Variants in NRDC observed in about 807,000 individuals in gnomAD.
The protein encoded by NRDC is nardilysin.
Under a neutral mutation model 147.1 loss-of-function variants are expected in NRDC, and 54 were observed. That is an observed-to-expected ratio of 0.37 (90% CI 0.29 to 0.46). The LOEUF is 0.46. Among genes scored for constraint, NRDC ranks in the 20% least tolerant of loss-of-function variants. The pLI is 1.00. For synonymous variants in NRDC, 440 were observed against 482.1 expected, an observed-to-expected ratio of 0.91 and a Z score of 1.14; for missense variants, 1,082 against 1,370.6, an observed-to-expected ratio of 0.79 and a Z score of 3.33.
chr1:51,793,712 C>T lies in NRDC; in HGVS notation c.2775+760G>A, dbSNP rs562157060. 2.0e-5 allele frequency among the ~76,000 whole-genome samples: 3 copies of T among 152,304 alleles called. No homozygotes were observed. The South Asian group carries it at 6.2e-4, about 32-fold the overall frequency. ...AGTCAGGGATCTTCACAAGACCTGA[C>T]AAAGAAGTGAATTCCTGATGCAGGG... On this transcript the variant is annotated intron_variant, in intron 24 of 30. Transcript: ENST00000352171.
At chr1:51,852,425 G>T (rs1681999411) in intron 1 of NRDC, among the ~76,000 whole-genome samples, 1 of 103,440 alleles carries the variant, frequency 9.7e-6, no homozygotes, top group Non-Finnish European at 2.1e-5. Context: ...GGCCATATTT[G>T]TGTATGTATA....
chr1:51,868,698 T>C (rs1328011851), intron 1 of NRDC, among the ~76,000 whole-genome samples: 2 of 151,918 alleles, frequency 1.3e-5, no homozygotes, highest in Non-Finnish European at 2.9e-5. Context: ...CTGGGTAGCA[T>C]GAGGAAACCC....
At chr1:51,860,578 TTCTA>T (rs1180149831) in intron 1 of NRDC, among the ~76,000 whole-genome samples, 1 of 152,228 alleles carries the variant, frequency 6.6e-6, no homozygotes, top group South Asian at 2.1e-4. Context: ...GAGAGTTTAC[TTCTA>T]TCTACTTTTT....
At chr1:51,851,733 G>C (rs1192611421) in intron 1 of NRDC, among the ~76,000 whole-genome samples, 1 of 151,932 alleles carries the variant, frequency 6.6e-6, no homozygotes, top group Admixed American at 6.6e-5. Context: ...TTTTACAAAG[G>C]ACACTTAATA....
At chr1:51,869,711 C>A (rs72901954) in intron 1 of NRDC, among the ~76,000 whole-genome samples, 5,065 of 152,212 alleles carry the variant, frequency 0.033, 204 homozygotes, top group South Asian at 0.095. Flanking sequence ...GCTACAAAGC[C>A]AGCTTTATTC....
At chr1:51,877,347 T>C (rs1016914947) in intron 1 of NRDC, among the ~76,000 whole-genome samples, 6 of 152,066 alleles carry the variant, frequency 3.9e-5, no homozygotes, top group African/African-American at 1.4e-4. Context: ...TATTGGACAA[T>C]ATGAACTCTA....
Position 51,840,510 on chromosome 1 carries a change from T to G in NRDC, c.346A>C (p.Ile116Leu). The change falls in exon 2 of 31, where the codon ATC becomes CTC. Residue 116 changes from isoleucine (I) to leucine (L), a missense_variant. Physicochemically the swap from Ile to Leu is conservative, Grantham distance 5. Transcript: ENST00000352171. ...GCCTGCAAGCCATTCTGTAATTTGA[T>G]GTATCTGGGGGGAGAAAAAAAAAAT... is the stretch of plus-strand genomic sequence containing the variant. The part of the protein sequence containing the change: ...SPSDPKQYRY[I>L]KLQNGLQALL... 1 of 1,598,022 alleles carries G rather than the reference T, an allele frequency of 6.3e-7. No homozygotes were observed. Among genetic ancestry groups the G allele is most frequent in the Non-Finnish European group, 8.5e-7 (1 of 1,173,696 alleles).
chr1:51,790,372 G>A (rs1203577485), intron 29 of NRDC, among the ~76,000 whole-genome samples, 161 bp downstream of exon 29: 1 of 152,242 alleles, frequency 6.6e-6, no homozygotes, highest in East Asian at 1.9e-4. Flanking sequence ...TAAGGTGCTA[G>A]AGAGGCCAGT....
At chr1:51,855,904 T>C (rs1379910598) in intron 1 of NRDC, among the ~76,000 whole-genome samples, 1 of 151,896 alleles carries the variant, frequency 6.6e-6, no homozygotes, top group African/African-American at 2.4e-5. Context: ...TAATAATATA[T>C]ACTACACACA....
chr1:51,859,363 ATACT>A (rs1392403287), intron 1 of NRDC, among the ~76,000 whole-genome samples: 2 of 152,262 alleles, frequency 1.3e-5, no homozygotes, highest in Non-Finnish European at 2.9e-5. Context: ...ATATAATTTG[ATACT>A]TGCTTGCTTG....
At position 51,814,741 on chromosome 1, in the gene NRDC, G is replaced by A. The variant is rs1244887022; in HGVS notation, c.1512C>T (p.Phe504=). 6 of 1,611,950 alleles carry A rather than the reference G, an allele frequency of 3.7e-6. No individual in the cohort carries two copies. In the South Asian group the frequency reaches 6.6e-5, roughly 18 times the overall value. ...CATCAGTCAATGTAATAGAAATGCT[G>A]AACACTGAATAAGTAGAATTTTGCT... ...GFEQNSTYSV[F]SISITLTDEG... is the part of the protein sequence containing the mutation. The change falls in exon 12 of 31, where the codon TTC becomes TTT. Residue 504 remains phenylalanine (F), a synonymous_variant. Transcript: ENST00000352171.
chr1:51,796,701 C>T (rs1490246729), intron 22 of NRDC, among the ~76,000 whole-genome samples: 1 of 151,772 alleles, frequency 6.6e-6, no homozygotes, highest in East Asian at 2.0e-4. Context: ...AATTCTCCTG[C>T]CTCAGCCTCC....
chr1:51,851,905 C>A (rs981968167), intron 1 of NRDC, among the ~76,000 whole-genome samples: 1 of 152,158 alleles, frequency 6.6e-6, no homozygotes, highest in African/African-American at 2.4e-5. Context: ...GAATTCCCAG[C>A]CAAGGAACAC....
rs143760456 is a variant in NRDC at position 51,796,069 on chromosome 1, T to C, written c.2605-1215A>G. On this transcript the variant is annotated intron_variant, in intron 22 of 30. Coordinates refer to ENST00000352171, the MANE Select transcript of NRDC (RefSeq NM_001101662.2). ...TAATTTTTTTTAATTTTTTTGGAAG[T>C]GGTGTCTCACTATGTTGCCCAGGCT... Among the ~76,000 whole-genome samples, 957 of 152,100 alleles carry C rather than the reference T, an allele frequency of 6.3e-3. 14 individuals carry two copies. Among genetic ancestry groups the C allele is most frequent in the African/African-American group, 0.022 (912 of 41,494 alleles).
intron 1 of NRDC, among the ~76,000 whole-genome samples, chr1:51,852,594 A>ATATT (rs1557932048): frequency 5.1e-4 from 12 of 23,466 alleles, no homozygotes; most frequent in African/African-American, 1.2e-3. Flanking sequence ...ATAGTTTTAT[A>ATATT]TATAGTTTTT....
chr1:51,841,303 A>G (rs1038970592), intron 1 of NRDC, among the ~76,000 whole-genome samples: 11 of 151,758 alleles, frequency 7.2e-5, no homozygotes, highest in Non-Finnish European at 1.6e-4. Flanking sequence ...CATTTACACT[A>G]ATTTTTTTTT....
intron 1 of NRDC, among the ~76,000 whole-genome samples, chr1:51,851,501 G>C (rs1681945184): frequency 6.6e-6 from 1 of 151,568 alleles, no homozygotes; most frequent in African/African-American, 2.4e-5. Context: ...TAGCCCATTA[G>C]GGTGTATTCT....
At chr1:51,873,292 C>T (rs1358039727) in intron 1 of NRDC, among the ~76,000 whole-genome samples, 1 of 152,122 alleles carries the variant, frequency 6.6e-6, no homozygotes, top group Non-Finnish European at 1.5e-5. Context: ...CAGAAGTGAG[C>T]CACTTCACTA....
intron 1 of NRDC, among the ~76,000 whole-genome samples, chr1:51,873,057 A>G (rs1302460753): frequency 6.6e-6 from 1 of 152,196 alleles, no homozygotes; most frequent in Non-Finnish European, 1.5e-5. Flanking sequence ...TGTGTGTGAA[A>G]TGAAACACAC....
Sources: gnomAD v4.1 joint callset for allele counts (sites outside exome capture counted in the v4.1 genomes callset) on GRCh38, gnomAD v4.1.1 for gene constraint, MANE v1.5 for transcripts, NCBI Gene and HGNC (gene_info 2026-07-23, HGNC 2026-07-21) for gene names.